Variants in SMURF2 observed in about 807,000 individuals in gnomAD.
SMURF2 encodes E3 ubiquitin-protein ligase SMURF2.
In SMURF2, 48 loss-of-function variants were observed where a neutral mutation model predicts 109.6. The ratio of observed to expected loss-of-function variants is 0.44; its 90% CI spans 0.35 to 0.56. The LOEUF is 0.56. Ranked by LOEUF, SMURF2 falls within the 20% of genes least tolerant of loss-of-function variation. The pLI, the probability that SMURF2 is intolerant of heterozygous loss-of-function variation, is 0.01. For missense variants in SMURF2, 575 were observed against 909.0 expected, an observed-to-expected ratio of 0.63 and a Z score of 4.72; for synonymous variants, 288 against 317.1, an observed-to-expected ratio of 0.91 and a Z score of 0.97.
chr17:64,556,078 T>A, intron 13 of SMURF2, 80 bp from the exon 14 acceptor site: 1 of 1,088,422 alleles, frequency 9.2e-7, no homozygotes, highest in Non-Finnish European at 1.3e-6. Flanking sequence ...TCAGCAACAT[T>A]AATCTTTTTG....
At chr17:64,588,169 A>T (rs1598283908) in intron 5 of SMURF2, among the ~76,000 whole-genome samples, 1 of 152,122 alleles carries the variant, frequency 6.6e-6, no homozygotes, top group East Asian at 1.9e-4. Flanking sequence ...CTCTAAAAAA[A>T]ATCACAAAAA....
intron 1 of SMURF2, among the ~76,000 whole-genome samples, chr17:64,630,980 T>C (rs1970331419): frequency 6.6e-6 from 1 of 151,002 alleles, no homozygotes; most frequent in Non-Finnish European, 1.5e-5. Flanking sequence ...TTCATAAGAG[T>C]AGTGGGCAAA....
intron 1 of SMURF2, among the ~76,000 whole-genome samples, chr17:64,621,510 G>T (rs1038306863): frequency 2.0e-5 from 3 of 150,130 alleles, no homozygotes; most frequent in African/African-American, 7.4e-5. Flanking sequence ...AATCCAGGGG[G>T]CAGAGGTTGC....
At chr17:64,601,954 TACAC>T (rs1208187079) in intron 2 of SMURF2, among the ~76,000 whole-genome samples, 1 of 149,422 alleles carries the variant, frequency 6.7e-6, no homozygotes. Context: ...CACCTACATA[TACAC>T]ACACACACAC....
At chr17:64,568,897 G>A (rs546672422) in intron 10 of SMURF2, among the ~76,000 whole-genome samples, 1 of 152,200 alleles carries the variant, frequency 6.6e-6, no homozygotes, top group South Asian at 2.1e-4. Flanking sequence ...AGCTACTCAG[G>A]AGGCTGAGGC....
In SMURF2 at chr17:64,584,680, C is replaced by T. The variant is rs550320388; in HGVS notation, c.486-1136G>A. On this transcript the variant is annotated intron_variant, in intron 6 of 18. Transcript: ENST00000262435. Reference sequence around the variant, plus strand: ...CCAAGACTGCTACTTTCTATCAACTCTTTACCATAATTAATTTAATGAAAA... The same window carrying T: ...CCAAGACTGCTACTTTCTATCAACTTTTTACCATAATTAATTTAATGAAAA... 5.3e-5 allele frequency among the ~76,000 whole-genome samples: 8 copies of T among 152,210 alleles called. No individual in the cohort carries two copies. In the South Asian group the frequency reaches 1.5e-3, roughly 28 times the overall value.
chr17:64,596,071 C>T (rs1449975880), intron 3 of SMURF2, among the ~76,000 whole-genome samples: 2 of 151,334 alleles, frequency 1.3e-5, no homozygotes, highest in East Asian at 3.9e-4. Flanking sequence ...ATGAGAAAAC[C>T]GCTGATTTTT....
At chr17:64,550,776 AAGAG>A (rs1214549785) in intron 16 of SMURF2, among the ~76,000 whole-genome samples, 21 of 150,336 alleles carry the variant, frequency 1.4e-4, no homozygotes, top group African/African-American at 4.2e-4. Context: ...AAAAAAAAAA[AAGAG>A]AGAGACATTT....
intron 1 of SMURF2, among the ~76,000 whole-genome samples, chr17:64,638,800 A>G (rs1439322391): frequency 6.6e-6 from 1 of 152,254 alleles, no homozygotes; most frequent in Non-Finnish European, 1.5e-5. Flanking sequence ...CACAACAGAC[A>G]TAGAGTATTC....
At chr17:64,582,005 T>C (rs1378183158) in intron 7 of SMURF2, among the ~76,000 whole-genome samples, 1 of 152,106 alleles carries the variant, frequency 6.6e-6, no homozygotes, top group Non-Finnish European at 1.5e-5. Context: ...ATCATCCTTT[T>C]ATACATGTAG....
chr17:64,601,656 T>C (rs1969898271), intron 2 of SMURF2, among the ~76,000 whole-genome samples: 1 of 152,072 alleles, frequency 6.6e-6, no homozygotes, highest in African/African-American at 2.4e-5. Context: ...CTTAAAGAAC[T>C]AAAAGTAGAT....
chr17:64,613,645 T>G (rs1182465459), intron 1 of SMURF2, among the ~76,000 whole-genome samples: 1 of 144,406 alleles, frequency 6.9e-6, no homozygotes, highest in Non-Finnish European at 1.5e-5. Flanking sequence ...AGGGATTGGC[T>G]TCATGGAAGA....
chr17:64,558,416 A>G (rs1341592212), intron 12 of SMURF2, among the ~76,000 whole-genome samples: 2 of 151,912 alleles, frequency 1.3e-5, no homozygotes, highest in Admixed American at 6.6e-5. Context: ...AAAAAAGTCC[A>G]CGTCATCTCT....
chr17:64,660,017 A>G (rs1242114455), intron 1 of SMURF2, among the ~76,000 whole-genome samples: 1 of 152,184 alleles, frequency 6.6e-6, no homozygotes, highest in African/African-American at 2.4e-5. Flanking sequence ...ATGTAGTTCA[A>G]TATTCCCCCT....
chr17:64,545,732 A>G lies in SMURF2; in HGVS notation c.*116T>C, dbSNP rs1598264394. 7.4e-6 allele frequency: 1 copy of G among 135,362 alleles called. No homozygotes were observed. The highest frequency in any genetic ancestry group is 1.8e-4 in the South Asian group (1 of 5,584). The allele number at this position is 135,362 out of a possible 1,614,324, so 8.4% of individuals were successfully genotyped here. On this transcript the variant is annotated 3_prime_UTR_variant, in exon 19 of 19. Coordinates refer to ENST00000262435, the MANE Select transcript of SMURF2 (RefSeq NM_022739.4). ...CCTAAAATGTAAAAAAAAAAAAAAA[A>G]AGGGGGGGGGGGGGAGTGTTTTCCT...
At chr17:64,603,683 T>A (rs1449850667) in intron 2 of SMURF2, among the ~76,000 whole-genome samples, 1 of 152,188 alleles carries the variant, frequency 6.6e-6, no homozygotes, top group East Asian at 1.9e-4. Context: ...TTATTTTATC[T>A]GTTGCTTTAT....
At chr17:64,578,683 C>A in intron 8 of SMURF2, 107 bp from the exon 9 acceptor site, 1 of 673,852 alleles carries the variant, frequency 1.5e-6, no homozygotes, top group Non-Finnish European at 2.5e-6. Flanking sequence ...TCCAAATTAC[C>A]AATCTATTTT....
chr17:64,599,447 G>C (rs1969862817), intron 2 of SMURF2, among the ~76,000 whole-genome samples: 1 of 152,232 alleles, frequency 6.6e-6, no homozygotes, highest in Non-Finnish European at 1.5e-5. Context: ...AAAGGGCTTT[G>C]AGGGAGGAGG....
intron 1 of SMURF2, among the ~76,000 whole-genome samples, chr17:64,616,193 T>C (rs553528317): frequency 1.3e-5 from 2 of 152,190 alleles, no homozygotes; most frequent in African/African-American, 4.8e-5. Context: ...TAATAAAATA[T>C]ATTTTTAGTA....
Sources: allele counts gnomAD v4.1 joint callset (sites outside exome capture counted in the v4.1 genomes callset), GRCh38; gene constraint gnomAD v4.1.1; transcripts MANE v1.5; gene names NCBI Gene and HGNC (gene_info 2026-07-23, HGNC 2026-07-21).